AHRR: variants seen among roughly 807,000 people sequenced by gnomAD.
AHRR encodes ahR repressor.
A neutral mutation model predicts 44.0 loss-of-function variants in AHRR; 28 were observed. The observed-to-expected ratio is 0.64, with a 90% confidence interval of 0.47 to 0.87. The LOEUF is 0.87. AHRR is among the 40% of genes least tolerant of loss of function. The pLI is 0.00. For synonymous variants in AHRR, 434 were observed against 407.0 expected, an observed-to-expected ratio of 1.07 and a Z score of -0.80; for missense variants, 990 against 953.9, an observed-to-expected ratio of 1.04 and a Z score of -0.50.
intron 3 of AHRR, among the ~76,000 whole-genome samples, chr5:361,893 T>C (rs999012965): frequency 1.3e-5 from 2 of 152,218 alleles, no homozygotes; most frequent in Non-Finnish European, 2.9e-5. Context: ...ACTTTAGAGT[T>C]GATGCTGGAA....
intron 2 of AHRR, among the ~76,000 whole-genome samples, chr5:345,992 C>G (rs142469286): frequency 1.2e-3 from 181 of 152,312 alleles, no homozygotes; most frequent in Non-Finnish European, 2.0e-3. Context: ...GCATCGAACA[C>G]CAGCATGCAG....
chr5:420,148 AG>A (rs971623913), intron 5 of AHRR, among the ~76,000 whole-genome samples: 3 of 152,178 alleles, frequency 2.0e-5, no homozygotes, highest in African/African-American at 4.8e-5. Flanking sequence ...CTGGAGGAGA[AG>A]GGGGTTTTGA....
chr5:362,589 A>T (rs1298165357), intron 3 of AHRR, among the ~76,000 whole-genome samples: 1 of 152,188 alleles, frequency 6.6e-6, no homozygotes, highest in Non-Finnish European at 1.5e-5. Flanking sequence ...ATTTCTCTGT[A>T]CTTGAGAGCC....
At chr5:431,082 G>C (rs1285762924) in intron 8 of AHRR, among the ~76,000 whole-genome samples, 2 of 152,190 alleles carry the variant, frequency 1.3e-5, no homozygotes, top group African/African-American at 4.8e-5. Context: ...TGGCAAGCCC[G>C]GTCTTCCCTG....
At chr5:353,467 G>C (rs3871401) in intron 2 of AHRR, among the ~76,000 whole-genome samples, 21,216 of 152,158 alleles carry the variant, frequency 0.14, 1,678 homozygotes, top group African/African-American at 0.16. Flanking sequence ...CCCTGTCTCC[G>C]TGCTCTGAGC....
intron 8 of AHRR, among the ~76,000 whole-genome samples, chr5:431,122 C>T (rs1351635063): frequency 6.6e-6 from 1 of 152,196 alleles, no homozygotes; most frequent in Admixed American, 6.5e-5. Context: ...GCAGAGGGGA[C>T]GCAGCCCCCT....
At chr5:349,627 T>G (rs2126384954) in intron 2 of AHRR, among the ~76,000 whole-genome samples, 1 of 152,214 alleles carries the variant, frequency 6.6e-6, no homozygotes, top group African/African-American at 2.4e-5. Context: ...GAAAACCTTT[T>G]GATGAAGACC....
chr5:332,285 T>TA (rs1741949700), intron 1 of AHRR, among the ~76,000 whole-genome samples: 1 of 137,782 alleles, frequency 7.3e-6, no homozygotes, highest in Non-Finnish European at 1.5e-5. Flanking sequence ...TTTTTTTTTT[T>TA]AAGGCAGAGT....
Position 436,271 on chromosome 5 carries a change from C to CCA in AHRR, c.*1438_*1439insAC, listed in dbSNP as rs1560929118. The CCA allele has an allele frequency of 2.1e-5, 2 of 96,256 alleles. No homozygotes were observed. Among genetic ancestry groups the CCA allele is most frequent in the Non-Finnish European group, 4.2e-5 (2 of 47,668 alleles). 6.0% of individuals were successfully genotyped at this position (96,256 alleles called of 1,614,324 possible). On this transcript the variant is annotated 3_prime_UTR_variant, in exon 11 of 11. Transcript: ENST00000684583. Reference sequence around the variant, plus strand: ...GCCCGCGGGTGAGGGACCCACCACCCCTAGGGACCCACCACCCCGCCGCAC... The same window carrying CCA: ...GCCCGCGGGTGAGGGACCCACCACCCCACTAGGGACCCACCACCCCGCCGCAC...
intron 4 of AHRR, among the ~76,000 whole-genome samples, chr5:402,537 G>T (rs527340871): frequency 4.5e-4 from 68 of 152,138 alleles, no homozygotes; most frequent in African/African-American, 1.6e-3. Context: ...TGAGGGTGTG[G>T]AGAGAAGGGG....
At chr5:377,937 G>A (rs1287328860) in intron 4 of AHRR, among the ~76,000 whole-genome samples, 3 of 152,224 alleles carry the variant, frequency 2.0e-5, no homozygotes. Flanking sequence ...CCTGCTGCCT[G>A]GCCTGACTCC....
intron 2 of AHRR, among the ~76,000 whole-genome samples, chr5:349,571 C>G (rs534479391): frequency 2.9e-5 from 4 of 138,498 alleles, no homozygotes; most frequent in Admixed American, 2.2e-4. Context: ...CAGAGTGAGA[C>G]TCCGTCTCAA....
Position 434,547 on chromosome 5 carries a change from G to A in AHRR, c.1807G>A (p.Gly603Arg), listed in dbSNP as rs764923486. 74 of 1,604,102 alleles carry A rather than the reference G, an allele frequency of 4.6e-5. No individual in the cohort carries two copies. Among genetic ancestry groups the A allele is most frequent in the Non-Finnish European group, 6.1e-5 (72 of 1,175,936 alleles). Residue 603 changes from glycine (G) to arginine (R), a missense_variant, in exon 11 of 11, where the codon GGG becomes AGG. Gly to Arg is a moderately radical substitution (Grantham distance 125). Transcript: ENST00000684583. ...GAQPHGRATAGRSRELTPFHP... is the reference protein window; with the variant it reads ...GAQPHGRATARRSRELTPFHP... ...TCAGCCCCATGGGAGGGCCACTGCT[G>A]GGCGCAGCAGGGAGCTGACCCCTTT...
At chr5:389,073 T>A (rs1039152314) in intron 4 of AHRR, among the ~76,000 whole-genome samples, 5 of 151,940 alleles carry the variant, frequency 3.3e-5, no homozygotes, top group Admixed American at 1.3e-4. Context: ...CTGGGCACGA[T>A]TCTCTCTCCT....
intron 2 of AHRR, among the ~76,000 whole-genome samples, chr5:348,663 T>A (rs1462816463): frequency 6.6e-6 from 1 of 152,224 alleles, no homozygotes; most frequent in East Asian, 1.9e-4. Context: ...GATTCATCCA[T>A]GTTTCTAGCA....
At chr5:379,389 A>T (rs1733886402) in intron 4 of AHRR, among the ~76,000 whole-genome samples, 1 of 152,212 alleles carries the variant, frequency 6.6e-6, no homozygotes, top group Admixed American at 6.5e-5. Flanking sequence ...CAGTCAATAG[A>T]CGTTCACATA....
At chr5:431,439 G>A (rs572886960) in intron 8 of AHRR, among the ~76,000 whole-genome samples, 1 of 152,222 alleles carries the variant, frequency 6.6e-6, no homozygotes, top group Non-Finnish European at 1.5e-5. Flanking sequence ...TCCCCACCCT[G>A]CTCTGAGCTG....
intron 7 of AHRR, among the ~76,000 whole-genome samples, chr5:424,780 CAG>C (rs951910518): frequency 7.2e-5 from 11 of 152,186 alleles, no homozygotes; most frequent in African/African-American, 2.7e-4. Flanking sequence ...CTCTTGCAAA[CAG>C]ATACTTGGGG....
At chr5:355,730 G>A (rs764564602) in intron 3 of AHRR, among the ~76,000 whole-genome samples, 1 of 152,232 alleles carries the variant, frequency 6.6e-6, no homozygotes, top group Non-Finnish European at 1.5e-5. Context: ...GGCACTGGAT[G>A]GCCATCCTGT....
Sources: gnomAD v4.1 joint callset for allele counts (sites outside exome capture counted in the v4.1 genomes callset) on GRCh38, gnomAD v4.1.1 for gene constraint, MANE v1.5 for transcripts, NCBI Gene and HGNC (gene_info 2026-07-23, HGNC 2026-07-21) for gene names.